The following CHSY3 variants were observed in gnomAD, a reference collection of about 807,000 sequenced individuals.
CHSY3 encodes chondroitin sulfate synthase 3.
Under a neutral mutation model 67.2 loss-of-function variants are expected in CHSY3, and 35 were observed. The observed-to-expected ratio is 0.52, with a 90% CI of 0.40 to 0.69. CHSY3 has a LOEUF of 0.69. Among genes scored for constraint, CHSY3 ranks in the 30% least tolerant of loss-of-function variants. The pLI is 0.00. For missense variants in CHSY3, 1,069 were observed against 1,138.5 expected, an observed-to-expected ratio of 0.94 and a Z score of 0.88; for synonymous variants, 474 against 434.7, an observed-to-expected ratio of 1.09 and a Z score of -1.12.
intron 2 of CHSY3, among the ~76,000 whole-genome samples, chr5:130,035,178 G>C (rs547820383): frequency 1.3e-5 from 2 of 152,200 alleles, no homozygotes; most frequent in South Asian, 2.1e-4. Flanking sequence ...AGAAAGATGA[G>C]GTAGGAGGTT....
chr5:130,185,193 C>G lies in CHSY3; in HGVS notation c.2051C>G (p.Ala684Gly). Reference sequence around the variant, plus strand: ...GGGTACCAGAACAAGTACCCCAAAGCAGAAATGACCCTGATCCCAATGAAG... The same window carrying G: ...GGGTACCAGAACAAGTACCCCAAAGGAGAAATGACCCTGATCCCAATGAAG... ...IKGYQNKYPK[A>G]EMTLIPMKGE... Residue 684 changes from alanine (A) to glycine (G), a missense_variant, in exon 3 of 3, where the codon GCA becomes GGA. This residue lies in a region of CHSY3 where 401 missense variants were observed against 395.2 expected (regional missense o/e 1.01). Transcript: ENST00000305031. 2 of 1,610,758 alleles carry G rather than the reference C, an allele frequency of 1.2e-6. No individual in the cohort carries two copies. Among genetic ancestry groups the G allele is most frequent in the Non-Finnish European group, 1.7e-6 (2 of 1,177,028 alleles).
chr5:129,944,068 A>G (rs1761775051), intron 2 of CHSY3, among the ~76,000 whole-genome samples: 2 of 152,326 alleles, frequency 1.3e-5, no homozygotes, highest in Non-Finnish European at 2.9e-5. Flanking sequence ...TTACAGAACT[A>G]TCATTTTCTC....
intron 2 of CHSY3, among the ~76,000 whole-genome samples, chr5:130,178,196 TATA>T: frequency 8.8e-6 from 1 of 113,802 alleles, no homozygotes; most frequent in South Asian, 2.7e-4. Flanking sequence ...TGTATATATA[TATA>T]TTTATATATA....
At chr5:130,178,377 C>G (rs1770141942) in intron 2 of CHSY3, among the ~76,000 whole-genome samples, 1 of 150,420 alleles carries the variant, frequency 6.6e-6, no homozygotes, top group Admixed American at 6.6e-5. Flanking sequence ...CTCAGCCTCC[C>G]TAGTAGCTGG....
chr5:130,108,089 G>A (rs542434725), intron 2 of CHSY3, among the ~76,000 whole-genome samples: 2 of 151,656 alleles, frequency 1.3e-5, no homozygotes, highest in South Asian at 4.1e-4. Flanking sequence ...TAATTGTGGT[G>A]CTACCAATGG....
At position 130,055,137 on chromosome 5, in the gene CHSY3, G is replaced by A. The variant is rs1175329080; in HGVS notation, c.1087-129092G>A. 3.3e-5 allele frequency among the ~76,000 whole-genome samples: 5 copies of A among 152,080 alleles called. No individual in the cohort carries two copies. In the South Asian group the frequency reaches 8.3e-4, roughly 25 times the overall value. On this transcript the variant is annotated intron_variant, in intron 2 of 2. Coordinates refer to ENST00000305031, the MANE Select transcript of CHSY3 (RefSeq NM_175856.5). ...GGGATTTTTGATAGGAAAATGAAGT[G>A]CAGCATGTACTCTGATCCCCATCTT...
chr5:130,079,197 T>C (rs1198947783), intron 2 of CHSY3, among the ~76,000 whole-genome samples: 3 of 152,130 alleles, frequency 2.0e-5, no homozygotes, highest in African/African-American at 7.2e-5. Context: ...AGCCTGGATA[T>C]AGGCTGTAAA....
rs941705958 is a variant in CHSY3 at position 130,079,118 on chromosome 5, C to T, written c.1087-105111C>T. Among the ~76,000 whole-genome samples the T allele has an allele frequency of 3.9e-5, 6 of 152,178 alleles. No homozygotes were observed. The East Asian group carries it at 1.2e-3, about 29-fold the overall frequency. On this transcript the variant is annotated intron_variant, in intron 2 of 2. Coordinates refer to ENST00000305031, the MANE Select transcript of CHSY3 (RefSeq NM_175856.5). ...AGCTCCTGTATTTGAAGGAAAACAT[C>T]GTTCTTCTCTGCTTTTTTCTCTTGT...
At chr5:129,966,826 T>C (rs1221222376) in intron 2 of CHSY3, among the ~76,000 whole-genome samples, 1 of 151,858 alleles carries the variant, frequency 6.6e-6, no homozygotes, top group Non-Finnish European at 1.5e-5. Flanking sequence ...CACTAAGAAG[T>C]AACAATAAGA....
intron 2 of CHSY3, among the ~76,000 whole-genome samples, chr5:129,912,515 T>G (rs997752986): frequency 6.6e-6 from 1 of 152,348 alleles, no homozygotes; most frequent in African/African-American, 2.4e-5. Context: ...GAAATATGTC[T>G]TGCTTGTTGG....
intron 2 of CHSY3, among the ~76,000 whole-genome samples, chr5:129,930,830 G>A (rs560314082): frequency 1.3e-5 from 2 of 152,282 alleles, no homozygotes; most frequent in South Asian, 4.2e-4. Context: ...TACTGCTGGG[G>A]ATTGAGCATC....
intron 2 of CHSY3, among the ~76,000 whole-genome samples, chr5:129,926,359 G>A (rs2431202): frequency 0.94 from 143,331 of 152,020 alleles, 67,677 homozygotes; most frequent in East Asian, 1. Flanking sequence ...CTTAAGATAT[G>A]TGTCTTATTT....
intron 2 of CHSY3, among the ~76,000 whole-genome samples, chr5:130,100,328 G>A (rs1175332923): frequency 1.3e-5 from 2 of 151,084 alleles, no homozygotes; most frequent in Non-Finnish European, 1.5e-5. Flanking sequence ...GGGGCTACAG[G>A]TGCCCACCAC....
At chr5:130,053,303 A>G (rs755439900) in intron 2 of CHSY3, among the ~76,000 whole-genome samples, 4 of 152,132 alleles carry the variant, frequency 2.6e-5, no homozygotes, top group Non-Finnish European at 4.4e-5. Flanking sequence ...CAAAGTTAGG[A>G]CCAAAATGAG....
At chr5:130,173,296 T>G (rs929785702) in intron 2 of CHSY3, among the ~76,000 whole-genome samples, 1 of 152,172 alleles carries the variant, frequency 6.6e-6, no homozygotes, top group Non-Finnish European at 1.5e-5. Context: ...TTTTTTAAAT[T>G]TAACCTTTTG....
At chr5:130,131,297 C>G (rs1768476531) in intron 2 of CHSY3, among the ~76,000 whole-genome samples, 1 of 152,088 alleles carries the variant, frequency 6.6e-6, no homozygotes, top group Admixed American at 6.6e-5. Context: ...CCTTTTCTGT[C>G]TAGACACCAC....
chr5:130,111,326 T>C (rs1045478267), intron 2 of CHSY3, among the ~76,000 whole-genome samples: 1 of 152,140 alleles, frequency 6.6e-6, no homozygotes, highest in African/African-American at 2.4e-5. Flanking sequence ...TGTTTAAAAT[T>C]CTTTTCACAT....
At chr5:130,165,417 A>G (rs1769715591) in intron 2 of CHSY3, among the ~76,000 whole-genome samples, 1 of 152,172 alleles carries the variant, frequency 6.6e-6, no homozygotes, top group Non-Finnish European at 1.5e-5. Flanking sequence ...ATTATTGCAA[A>G]ATCACTTTCC....
intron 2 of CHSY3, among the ~76,000 whole-genome samples, chr5:130,165,373 A>G (rs1769713932): frequency 6.6e-6 from 1 of 152,188 alleles, no homozygotes; most frequent in African/African-American, 2.4e-5. Flanking sequence ...ATGATTTATA[A>G]TGATATATTA....
Sources: gnomAD v4.1 joint callset for allele counts (sites outside exome capture counted in the v4.1 genomes callset) on GRCh38, gnomAD v4.1.1 for gene constraint, gnomAD v4.1.1 regional missense constraint, MANE v1.5 for transcripts, NCBI Gene and HGNC (gene_info 2026-07-23, HGNC 2026-07-21) for gene names.